AIG1: variants seen among roughly 807,000 people sequenced by gnomAD.
AIG1 encodes the protein androgen-induced gene 1 protein.
In AIG1, 23 loss-of-function variants were observed where a neutral mutation model predicts 31.4. That is an observed-to-expected ratio of 0.73 (90% CI 0.53 to 1.04). The LOEUF (loss-of-function observed/expected upper bound fraction) is 1.04, where lower values mean the gene tolerates loss of function less well. Among genes scored for constraint, AIG1 ranks in the 50% least tolerant of loss-of-function variants. The pLI, the probability that AIG1 is intolerant of heterozygous loss-of-function variation, is 0.00. For missense variants in AIG1, 274 were observed against 295.0 expected, an observed-to-expected ratio of 0.93 and a Z score of 0.52; for synonymous variants, 100 against 110.5, an observed-to-expected ratio of 0.90 and a Z score of 0.60.
intron 3 of AIG1, among the ~76,000 whole-genome samples, chr6:143,223,008 ATGAGGCAAAAAGC>A (rs1792656376): frequency 6.6e-6 from 1 of 152,236 alleles, no homozygotes; most frequent in Admixed American, 6.5e-5. Context: ...AACACAGACA[ATGAGGCAAAAAGC>A]TGGACCTCTG....
rs116335002 is a variant in AIG1 at position 143,128,114 on chromosome 6, C to G, written c.142-8721C>G. Reference sequence around the variant, plus strand: ...TAATGAATTTGTCCTATATTACAAACAGGAGTGTAATAGTTTAGTGCATTC... The same window carrying G: ...TAATGAATTTGTCCTATATTACAAAGAGGAGTGTAATAGTTTAGTGCATTC... On this transcript the variant is annotated intron_variant, in intron 1 of 5. Coordinates refer to ENST00000357847, the MANE Select transcript of AIG1 (RefSeq NM_016108.4). 8.3e-3 allele frequency among the ~76,000 whole-genome samples: 1,268 copies of G among 152,254 alleles called. 19 individuals are homozygous for G. Among genetic ancestry groups the G allele is most frequent in the African/African-American group, 0.027 (1,107 of 41,548 alleles).
chr6:143,218,730 A>G (rs892952483), intron 3 of AIG1, among the ~76,000 whole-genome samples: 11 of 152,188 alleles, frequency 7.2e-5, no homozygotes, highest in African/African-American at 2.7e-4. Context: ...GCAAAAAGGT[A>G]AAAATGAAGG....
At chr6:143,281,830 C>T (rs1379094027) in intron 3 of AIG1, among the ~76,000 whole-genome samples, 2 of 152,132 alleles carry the variant, frequency 1.3e-5, no homozygotes, top group Non-Finnish European at 2.9e-5. Context: ...TAAGATTTGC[C>T]ACTGGACAAA....
chr6:143,320,100 G>A (rs935899794), intron 4 of AIG1, among the ~76,000 whole-genome samples: 1 of 152,046 alleles, frequency 6.6e-6, no homozygotes, highest in Non-Finnish European at 1.5e-5. Flanking sequence ...AGACACACAC[G>A]GCCAGCAAAT....
At chr6:143,342,990 C>G (rs1777885489), downstream of AIG1, 1 of 978,356 alleles carries the variant, frequency 1.0e-6, no homozygotes, top group Admixed American at 1.7e-5. Flanking sequence ...TGGCAGTGTA[C>G]CTATCTGCAG....
intron 5 of AIG1, 155 bp from the exon 6 acceptor site, chr6:143,339,484 C>T (rs943837611): frequency 3.1e-6 from 2 of 647,286 alleles, no homozygotes; most frequent in Non-Finnish European, 5.0e-6. Context: ...GGCTTTCCTT[C>T]TTAGCTAGGA....
At chr6:143,174,949 A>G (rs2094741777) in intron 3 of AIG1, among the ~76,000 whole-genome samples, 2 of 152,190 alleles carry the variant, frequency 1.3e-5, no homozygotes, top group African/African-American at 2.4e-5. Context: ...GTGTATTTCG[A>G]GGATTTATTT....
chr6:143,234,945 A>G (rs1213841348), intron 3 of AIG1, among the ~76,000 whole-genome samples: 4 of 152,060 alleles, frequency 2.6e-5, no homozygotes, highest in Non-Finnish European at 5.9e-5. Flanking sequence ...TGGCAAAGGG[A>G]TTATTCCCTC....
chr6:143,137,407 C>T (rs552249555), intron 2 of AIG1, among the ~76,000 whole-genome samples: 4 of 152,316 alleles, frequency 2.6e-5, no homozygotes, highest in Non-Finnish European at 5.9e-5. Context: ...AATACAGTCA[C>T]ATTGTGAGAT....
chr6:143,230,258 C>A (rs1380700251), intron 3 of AIG1, among the ~76,000 whole-genome samples: 2 of 151,936 alleles, frequency 1.3e-5, no homozygotes, highest in South Asian at 2.1e-4. Flanking sequence ...CTTATACAAA[C>A]TTATGCTTAT....
intron 1 of AIG1, among the ~76,000 whole-genome samples, chr6:143,118,167 C>G (rs1781898446): frequency 6.6e-6 from 1 of 152,054 alleles, no homozygotes; most frequent in African/African-American, 2.4e-5. Context: ...GCCCGGTGAG[C>G]ACATCATGCC....
intron 2 of AIG1, among the ~76,000 whole-genome samples, chr6:143,140,636 T>C (rs1216723356): frequency 6.6e-6 from 1 of 152,190 alleles, no homozygotes; most frequent in Non-Finnish European, 1.5e-5. Context: ...TGGCCTGGAA[T>C]GGAAGTGCCA....
chr6:143,105,573 A>G (rs1371717799), intron 1 of AIG1, among the ~76,000 whole-genome samples: 1 of 152,242 alleles, frequency 6.6e-6, no homozygotes, highest in African/African-American at 2.4e-5. Flanking sequence ...CCACAGCTCC[A>G]GAAAAATGTG....
At chr6:143,227,988 G>A (rs541506541) in intron 3 of AIG1, among the ~76,000 whole-genome samples, 1 of 152,152 alleles carries the variant, frequency 6.6e-6, no homozygotes, top group South Asian at 2.1e-4. Context: ...ATCTTTCTCT[G>A]TAGTGAGTTC....
rs1795396247 is a variant in AIG1 at position 143,256,662 on chromosome 6, T to G, written c.400-27448T>G. ...TACTGAAATAAACATATACTATCAA[T>G]ATGGCATTTGCCTAATCCAGTGTAT... On this transcript the variant is annotated intron_variant, in intron 3 of 5. Coordinates refer to ENST00000357847, the MANE Select transcript of AIG1 (RefSeq NM_016108.4). This position sits in a 1 kb window ranked among gnomAD's most constrained non-coding sequence, Gnocchi z 4.6. Among the ~76,000 whole-genome samples the G allele has an allele frequency of 6.6e-6, 1 of 152,244 alleles. No individual in the cohort carries two copies. Among genetic ancestry groups the G allele is most frequent in the South Asian group, 2.1e-4 (1 of 4,834 alleles).
intron 3 of AIG1, among the ~76,000 whole-genome samples, chr6:143,174,039 T>C (rs1021041308): frequency 6.6e-6 from 1 of 152,174 alleles, no homozygotes; most frequent in Admixed American, 6.5e-5. Context: ...TTAGGTCTAG[T>C]AGTAATTGTT....
At chr6:143,244,029 G>A (rs1460612940) in intron 3 of AIG1, among the ~76,000 whole-genome samples, 1 of 152,186 alleles carries the variant, frequency 6.6e-6, no homozygotes, top group Non-Finnish European at 1.5e-5. Context: ...TCTATGATCA[G>A]CACTAGTAAC....
chr6:143,229,322 C>A (rs1793254760), intron 3 of AIG1, among the ~76,000 whole-genome samples: 2 of 152,108 alleles, frequency 1.3e-5, no homozygotes, highest in Admixed American at 1.3e-4. Context: ...CTTTTAGTTT[C>A]TTTTTTGGTG....
chr6:143,255,328 G>C (rs116614339), intron 3 of AIG1, among the ~76,000 whole-genome samples: 6 of 152,150 alleles, frequency 3.9e-5, no homozygotes, highest in Non-Finnish European at 7.3e-5. Context: ...GTTTTCCCAC[G>C]TATCTGGAGG....
Sources: gnomAD v4.1 joint callset for allele counts (sites outside exome capture counted in the v4.1 genomes callset) on GRCh38, gnomAD v4.1.1 for gene constraint, Gnocchi (gnomAD v3.1) non-coding constraint, MANE v1.5 for transcripts, NCBI Gene and HGNC (gene_info 2026-07-23, HGNC 2026-07-21) for gene names.